NF2: variants seen among roughly 807,000 people sequenced by gnomAD.
NF2 encodes NF2, moesin-ezrin-radixin like (MERLIN) tumor suppressor.
A neutral mutation model predicts 83.7 loss-of-function variants in NF2; 8 were observed. The ratio of observed to expected loss-of-function variants is 0.10; its 90% CI spans 0.06 to 0.17. NF2 has a LOEUF of 0.17. Ranked by LOEUF, NF2 falls within the 10% of genes least tolerant of loss-of-function variation. The pLI is 1.00. For synonymous variants in NF2, 266 were observed against 269.6 expected (o/e 0.99, Z 0.13); for missense variants, 533 against 744.4 (o/e 0.72, Z 3.31).
chr22:29,683,723 G>C, intron 15 of NF2: 1 of 1,070,624 alleles, frequency 9.3e-7, no homozygotes, highest in South Asian at 4.4e-5. Flanking sequence ...AGGCTGAGCA[G>C]AGATGTGGTC....
At chr22:29,683,463 C>T in intron 15 of NF2, 1 of 1,218,944 alleles carries the variant, frequency 8.2e-7, no homozygotes, top group Non-Finnish European at 1.0e-6. Flanking sequence ...GTGTGTTTAA[C>T]TCAAGATCAA....
chr22:29,651,195 A>G (rs1456835247), intron 4 of NF2, among the ~76,000 whole-genome samples: 1 of 152,112 alleles, frequency 6.6e-6, no homozygotes. Context: ...TTTTTGTGAA[A>G]TCCTACTCAG....
chr22:29,643,093 T>C (rs951171736), intron 4 of NF2, among the ~76,000 whole-genome samples: 5 of 152,154 alleles, frequency 3.3e-5, no homozygotes, highest in African/African-American at 1.2e-4. Context: ...CACAAGATGT[T>C]GTCCCCAGAA....
intron 1 of NF2, among the ~76,000 whole-genome samples, chr22:29,628,625 A>G (rs1172588291): frequency 1.6e-5 from 2 of 126,774 alleles, no homozygotes; most frequent in Admixed American, 9.8e-5. Context: ...AGTTTGTGAC[A>G]TCTTTTTTTT....
chr22:29,642,157 A>G, intron 3 of NF2, 45 bp from the exon 4 acceptor site: 1 of 1,483,470 alleles, frequency 6.7e-7, no homozygotes, highest in Non-Finnish European at 9.4e-7. Flanking sequence ...TACACACCTC[A>G]CTTCCACTCA....
At chr22:29,649,438 C>T (rs55980658) in intron 4 of NF2, among the ~76,000 whole-genome samples, 3,114 of 152,228 alleles carry the variant, frequency 0.02, 106 homozygotes, top group African/African-American at 0.063. Flanking sequence ...CGGTGGCTCA[C>T]GCCTGTAATC....
intron 13 of NF2, among the ~76,000 whole-genome samples, chr22:29,676,735 AG>A (rs1355208511): frequency 6.6e-6 from 1 of 152,240 alleles, no homozygotes; most frequent in Non-Finnish European, 1.5e-5. Context: ...ATATATTGGT[AG>A]AATAAATTCT....
At chr22:29,628,624 C>T (rs2065429907) in intron 1 of NF2, among the ~76,000 whole-genome samples, 1 of 128,252 alleles carries the variant, frequency 7.8e-6, no homozygotes, top group Non-Finnish European at 1.6e-5. Context: ...AAGTTTGTGA[C>T]ATCTTTTTTT....
intron 10 of NF2, among the ~76,000 whole-genome samples, chr22:29,668,905 C>G (rs1246445552): frequency 6.6e-6 from 1 of 152,238 alleles, no homozygotes; most frequent in Non-Finnish European, 1.5e-5. Context: ...GCAGGTCAGG[C>G]CTTATGGCAT....
At chr22:29,624,392 G>C (rs1267355449) in intron 1 of NF2, among the ~76,000 whole-genome samples, 1 of 152,112 alleles carries the variant, frequency 6.6e-6, no homozygotes, top group Non-Finnish European at 1.5e-5. Context: ...ATTTTTAGTA[G>C]AGATGGGGTT....
chr22:29,626,326 G>A (rs948052787), intron 1 of NF2, among the ~76,000 whole-genome samples: 1 of 151,506 alleles, frequency 6.6e-6, no homozygotes, highest in Non-Finnish European at 1.5e-5. Flanking sequence ...GCTAATTTTT[G>A]TATTTTTAGT....
intron 7 of NF2, among the ~76,000 whole-genome samples, chr22:29,658,961 T>A (rs2146995646): frequency 6.6e-6 from 1 of 152,316 alleles, no homozygotes; most frequent in East Asian, 1.9e-4. Context: ...TCCACCTTTA[T>A]TTTCATAGTC....
intron 7 of NF2, among the ~76,000 whole-genome samples, chr22:29,660,190 C>T (rs1309216384): frequency 3.9e-5 from 6 of 152,136 alleles, no homozygotes; most frequent in Admixed American, 2.0e-4. Context: ...CTCAGTCCGT[C>T]GCAGGTTCAG....
At chr22:29,616,641 C>G (rs1336421502) in intron 1 of NF2, among the ~76,000 whole-genome samples, 2 of 151,502 alleles carry the variant, frequency 1.3e-5, no homozygotes, top group Non-Finnish European at 2.9e-5. Flanking sequence ...ACTCGGGAGG[C>G]TGAGGCAGGA....
chr22:29,631,129 A>C (rs933563297), intron 1 of NF2, among the ~76,000 whole-genome samples: 1 of 152,222 alleles, frequency 6.6e-6, no homozygotes, highest in African/African-American at 2.4e-5. Context: ...CTGCATATTC[A>C]GTACTGCATT....
At chr22:29,691,520 T>C (rs1185813284) in intron 15 of NF2, among the ~76,000 whole-genome samples, 1 of 152,240 alleles carries the variant, frequency 6.6e-6, no homozygotes, top group Non-Finnish European at 1.5e-5. Context: ...TAGCTGGTTT[T>C]CATGTGTTTA....
At chr22:29,605,107 C>T (rs1319001704) in intron 1 of NF2, among the ~76,000 whole-genome samples, 2 of 151,588 alleles carry the variant, frequency 1.3e-5, no homozygotes, top group Admixed American at 6.6e-5. Flanking sequence ...GCCTCAGCCT[C>T]TCGAGTAGCT....
intron 1 of NF2, among the ~76,000 whole-genome samples, chr22:29,630,404 A>C (rs1316455744): frequency 6.6e-6 from 1 of 152,242 alleles, no homozygotes; most frequent in Non-Finnish European, 1.5e-5. Context: ...AGCTGATAGC[A>C]CTTAGTCCTG....
At chr22:29,639,356 GA>G in intron 3 of NF2, 144 bp downstream of exon 3, 13 of 1,007,646 alleles carry the variant, frequency 1.3e-5, no homozygotes, top group Non-Finnish European at 1.7e-5. Flanking sequence ...TTCTGTAATG[GA>G]AAAAAGGCTT....
Sources: gnomAD v4.1 joint callset for allele counts (sites outside exome capture counted in the v4.1 genomes callset) on GRCh38, gnomAD v4.1.1 for gene constraint, MANE v1.5 for transcripts, NCBI Gene and HGNC (gene_info 2026-07-23, HGNC 2026-07-21) for gene names.